Variants in GFRA2 observed in about 807,000 individuals in gnomAD.
GFRA2 encodes GDNF family receptor alpha-2.
A neutral mutation model predicts 48.3 loss-of-function variants in GFRA2; 17 were observed. The ratio of observed to expected loss-of-function variants is 0.35; its 90% CI spans 0.24 to 0.53. The LOEUF is 0.53. Ranked by LOEUF, GFRA2 falls within the 20% of genes least tolerant of loss-of-function variation. The probability of loss-of-function intolerance (pLI) is 0.93; values close to 1 mark genes in which losing one functional copy is unlikely to be tolerated. For synonymous variants in GFRA2, 305 were observed against 257.2 expected (o/e 1.19, Z -1.78); for missense variants, 660 against 637.3 (o/e 1.04, Z -0.38).
upstream of GFRA2, among the ~76,000 whole-genome samples, chr8:21,791,521 C>T (rs1807573919): frequency 6.6e-6 from 1 of 151,404 alleles, no homozygotes; most frequent in Admixed American, 6.6e-5. Flanking sequence ...TCCCTTATTT[C>T]CTGAGCATCT....
chr8:21,716,321 A>AG (rs397781193), intron 4 of GFRA2, among the ~76,000 whole-genome samples: 1 of 151,328 alleles, frequency 6.6e-6, no homozygotes, highest in Non-Finnish European at 1.5e-5. Context: ...AAAAAAAAAA[A>AG]GACAGAAACA....
At chr8:21,701,313 G>T (rs1802463812) in intron 7 of GFRA2, among the ~76,000 whole-genome samples, 1 of 152,216 alleles carries the variant, frequency 6.6e-6, no homozygotes, top group Non-Finnish European at 1.5e-5. Flanking sequence ...AGAATGGCGT[G>T]AACCCAGGAG....
At chr8:21,794,320 G>A (rs371349882) in intron 2 of GFRA2, among the ~76,000 whole-genome samples, 1 of 124,408 alleles carries the variant, frequency 8.0e-6, no homozygotes, top group African/African-American at 3.0e-5. Context: ...GCGTGATCTT[G>A]GCTTACCACA....
intron 1 of GFRA2, among the ~76,000 whole-genome samples, chr8:21,787,390 C>T (rs1195651074): frequency 6.6e-6 from 1 of 152,216 alleles, no homozygotes; most frequent in Non-Finnish European, 1.5e-5. Flanking sequence ...CCTCTTCCCA[C>T]CAGCCACGGG....
At chr8:21,776,469 CTTTTT>C (rs142915155) in intron 2 of GFRA2, among the ~76,000 whole-genome samples, 4 of 133,844 alleles carry the variant, frequency 3.0e-5, no homozygotes, top group Admixed American at 7.4e-5. Flanking sequence ...AGACGAGACT[CTTTTT>C]TTTTTTTTTT....
At chr8:21,770,196 G>A (rs1806377098) in intron 3 of GFRA2, among the ~76,000 whole-genome samples, 1 of 152,282 alleles carries the variant, frequency 6.6e-6, no homozygotes, top group East Asian at 1.9e-4. Context: ...GTGAAAGGTG[G>A]CCTCGAATCA....
At chr8:21,701,158 G>A (rs893560429) in intron 7 of GFRA2, among the ~76,000 whole-genome samples, 7 of 152,244 alleles carry the variant, frequency 4.6e-5, no homozygotes, top group Non-Finnish European at 7.3e-5. Flanking sequence ...ACTTTGGGAG[G>A]CCGAGGCGGG....
In GFRA2 at chr8:21,705,987, G is replaced by C. The variant is rs553428283; in HGVS notation, c.849C>G (p.Thr283=). The C allele has an allele frequency of 9.5e-6, 15 of 1,580,976 alleles. No individual in the cohort carries two copies. Among genetic ancestry groups the C allele is most frequent in the South Asian group, 3.5e-5 (3 of 85,860 alleles). ...ANCRASYQTV[T]SCPADNYQAC... is the part of the protein sequence containing the mutation. ...CCTGGTAATTGTCCGCAGGGCAGCT[G>C]GTGACCGTCTGGTAGGAGGCTCGAC... The change falls in exon 5 of 9, where the codon ACC becomes ACG. Residue 283 remains threonine, a synonymous_variant. Coordinates refer to ENST00000524240, the MANE Select transcript of GFRA2 (RefSeq NM_001495.5).
At chr8:21,805,136 A>T (rs1807836737) in intron 1 of GFRA2, 1 of 152,102 alleles carries the variant, frequency 6.6e-6, no homozygotes, top group South Asian at 2.1e-4. Flanking sequence ...GATCTGGGGG[A>T]ATGAGCACAT....
chr8:21,750,916 C>A lies in GFRA2; in HGVS notation c.466G>T (p.Ala156Ser). The change falls in exon 4 of 9, where the codon GCC becomes TCC. Residue 156 changes from alanine to serine, a missense_variant. Coordinates refer to ENST00000524240, the MANE Select transcript of GFRA2 (RefSeq NM_001495.5). The surrounding 1 kb of genome is among the most constrained non-coding windows in gnomAD (Gnocchi z 5.7). ...SGTGADPVVS[A>S]KSNHCLDAAK... ...GCATCCAGGCAATGGTTGCTCTTGGCGCTGACCACCGGGTCTGCCCCTGTC... is the reference window on the plus strand; with the variant it reads ...GCATCCAGGCAATGGTTGCTCTTGGAGCTGACCACCGGGTCTGCCCCTGTC... 6.2e-7 allele frequency: 1 copy of A among 1,613,036 alleles called. No individual in the cohort carries two copies. The highest frequency in any genetic ancestry group is 8.5e-7 in the Non-Finnish European group (1 of 1,179,552).
chr8:21,718,928 T>C (rs1480997889), intron 4 of GFRA2, among the ~76,000 whole-genome samples: 1 of 85,604 alleles, frequency 1.2e-5, no homozygotes, highest in Admixed American at 1.4e-4. Context: ...CCCATCCCCC[T>C]GTCCCAGTGT....
At chr8:21,745,501 T>A (rs536596395) in intron 4 of GFRA2, among the ~76,000 whole-genome samples, 1 of 152,222 alleles carries the variant, frequency 6.6e-6, no homozygotes, top group South Asian at 2.1e-4. Context: ...CAAAGGCAGG[T>A]TGGGGGTTCT....
chr8:21,728,811 T>C (rs553560703), intron 4 of GFRA2, among the ~76,000 whole-genome samples: 1 of 152,354 alleles, frequency 6.6e-6, no homozygotes, highest in African/African-American at 2.4e-5. Flanking sequence ...CAAAGGGTTA[T>C]AAAGGGTACG....
intron 8 of GFRA2, 134 bp downstream of exon 8, chr8:21,694,330 C>T (rs1313735385): frequency 3.6e-6 from 3 of 841,698 alleles, no homozygotes; most frequent in Non-Finnish European, 5.6e-6. Context: ...TAAGTGCCCA[C>T]CCTGGTCCAG....
chr8:21,734,936 T>C (rs1036658290), intron 4 of GFRA2, among the ~76,000 whole-genome samples: 6 of 152,230 alleles, frequency 3.9e-5, no homozygotes, highest in Non-Finnish European at 8.8e-5. Context: ...GTCATCCCTC[T>C]GCTCACTGAG....
At chr8:21,716,152 G>C (rs1212927658) in intron 4 of GFRA2, among the ~76,000 whole-genome samples, 2 of 151,966 alleles carry the variant, frequency 1.3e-5, no homozygotes, top group African/African-American at 2.4e-5. Context: ...GCAAAACTCT[G>C]TCTCTACTGA....
intron 2 of GFRA2, among the ~76,000 whole-genome samples, chr8:21,776,210 G>T (rs1288944887): frequency 2.0e-5 from 3 of 152,050 alleles, no homozygotes; most frequent in Non-Finnish European, 2.9e-5. Context: ...CCCACTGCAT[G>T]TGGTCACCCA....
intron 3 of GFRA2, among the ~76,000 whole-genome samples, chr8:21,767,956 G>C (rs374295884): frequency 3.7e-5 from 3 of 80,036 alleles, no homozygotes; most frequent in African/African-American, 1.3e-4. Flanking sequence ...CACTGGCGTT[G>C]ACAGAGAGAG....
At chr8:21,760,672 T>C (rs1408231424) in intron 3 of GFRA2, among the ~76,000 whole-genome samples, 1 of 151,792 alleles carries the variant, frequency 6.6e-6, no homozygotes, top group Non-Finnish European at 1.5e-5. Flanking sequence ...AAGAAAGAGG[T>C]CTGGGCTAAA....
Sources: allele counts gnomAD v4.1 joint callset (sites outside exome capture counted in the v4.1 genomes callset), GRCh38; gene constraint gnomAD v4.1.1; non-coding constraint Gnocchi (gnomAD v3.1); transcripts MANE v1.5; gene names NCBI Gene and HGNC (gene_info 2026-07-23, HGNC 2026-07-21).